Variants in HOTAIR observed in about 807,000 individuals in gnomAD.
HOTAIR encodes the protein HOX transcript antisense RNA (non-protein coding).
chr12:53,974,133 G>T (rs1055607770), intron 1 of HOTAIR, among the ~76,000 whole-genome samples: 1 of 152,180 alleles, frequency 6.6e-6, no homozygotes, highest in Non-Finnish European at 1.5e-5. Context: ...ATGGAGAAGG[G>T]GTGGGGAGGG....
exon 7 of HOTAIR, chr12:53,963,842 C>T (rs1939001189): frequency 6.6e-6 from 1 of 152,238 alleles, no homozygotes; most frequent in Non-Finnish European, 1.5e-5. Context: ...GAGCTAGGAC[C>T]CGGATTATTC....
At chr12:53,965,824 A>C (rs1939041690) in intron 5 of HOTAIR, 3 of 152,274 alleles carry the variant, frequency 2.0e-5, no homozygotes, top group Admixed American at 2.0e-4. Flanking sequence ...GAAAGACGAG[A>C]GAGAAGGATC....
chr12:53,963,983 C>CGGCA (rs1939004302), exon 7 of HOTAIR: 1 of 152,236 alleles, frequency 6.6e-6, no homozygotes, highest in Non-Finnish European at 1.5e-5. Context: ...GTTCCGGGAA[C>CGGCA]TGCCGCCTTG....
rs370804226 is a variant in HOTAIR, at chr12:53,973,782, C to T, written n.59+1116G>A. The T allele has an allele frequency of 7.5e-6, 12 of 1,603,744 alleles. No individual in the cohort carries two copies. Among genetic ancestry groups the T allele is most frequent in the Non-Finnish European group, 1.0e-5 (12 of 1,175,728 alleles). ...CGGCAAGGGCGAGGCCAAGGGGGAG[C>T]CCGAGGCACCCCCGGCCTCGGGACT... is the stretch of plus-strand genomic sequence containing the variant. On this transcript the variant is annotated intron_variant and non_coding_transcript_variant, in intron 1 of 6. Coordinates refer to ENST00000424518, the Ensembl canonical transcript of HOTAIR. The surrounding 1 kb of genome is among the most constrained non-coding windows in gnomAD (Gnocchi z 4.3).
At chr12:53,967,565 C>T (rs894169743) in intron 2 of HOTAIR, among the ~76,000 whole-genome samples, 12 of 152,190 alleles carry the variant, frequency 7.9e-5, no homozygotes, top group Non-Finnish European at 1.3e-4. Flanking sequence ...TGCCTGGGCT[C>T]AACGGGCTGG....
intron 1 of HOTAIR, among the ~76,000 whole-genome samples, chr12:53,971,630 T>C (rs1010284106): frequency 1.3e-5 from 2 of 152,256 alleles, no homozygotes; most frequent in African/African-American, 2.4e-5. Context: ...TGAGTGTGCA[T>C]TGGGCTGAGC....
Position 53,973,180 on chromosome 12 carries a change from T to C in HOTAIR, n.59+1718A>G. 1.5e-6 allele frequency: 2 copies of C among 1,374,330 alleles called. No homozygotes were observed. Among genetic ancestry groups the C allele is most frequent in the Non-Finnish European group, 2.0e-6 (2 of 1,017,554 alleles). The allele number at this position is 1,374,330 out of a possible 1,614,324, so 85.1% of individuals were successfully genotyped here. A position where few individuals can be genotyped will look rare whatever the true frequency, so the allele number is the denominator to read the frequency against. ...TAACGCGTCATCTCGCCTTCCCAAA[T>C]TTTCCCCCCTCGCTAGACCGGGTCC... On this transcript the variant is annotated intron_variant and non_coding_transcript_variant, in intron 1 of 6. Transcript: ENST00000424518. The surrounding 1 kb of genome is among the most constrained non-coding windows in gnomAD (Gnocchi z 4.3).
intron 5 of HOTAIR, among the ~76,000 whole-genome samples, chr12:53,964,454 A>G (rs1342905563): frequency 1.3e-5 from 2 of 152,188 alleles, no homozygotes; most frequent in African/African-American, 4.8e-5. Context: ...GAAGGGGAAC[A>G]AAGATCTTTG....
At chr12:53,963,883 T>A (rs1939001754) in exon 7 of HOTAIR, 1 of 152,222 alleles carries the variant, frequency 6.6e-6, no homozygotes, top group African/African-American at 2.4e-5. Flanking sequence ...AGATTTTCCC[T>A]TTTCCTCATG....
At chr12:53,969,377 CCTT>C (rs1258435863) in intron 1 of HOTAIR, among the ~76,000 whole-genome samples, 3 of 152,172 alleles carry the variant, frequency 2.0e-5, no homozygotes, top group Admixed American at 2.0e-4. Context: ...AAGGAGCTGT[CCTT>C]CTCCCTCCCC....
In HOTAIR at chr12:53,973,521, G is replaced by A; in HGVS notation, n.59+1377C>T. Reference sequence around the variant, plus strand: ...TCGGAACAGCTACTCCTCCTGCTATGCGGCGGCCGACGAGCTTATGCACCG... The same window carrying A: ...TCGGAACAGCTACTCCTCCTGCTATACGGCGGCCGACGAGCTTATGCACCG... On this transcript the variant is annotated intron_variant and non_coding_transcript_variant, in intron 1 of 6. Transcript: ENST00000424518. This position sits in a 1 kb window ranked among gnomAD's most constrained non-coding sequence, Gnocchi z 4.3. The A allele has an allele frequency of 6.2e-7, 1 of 1,613,738 alleles. No individual in the cohort carries two copies. Among genetic ancestry groups the A allele is most frequent in the Non-Finnish European group, 8.5e-7 (1 of 1,180,016 alleles).
exon 6 of HOTAIR, chr12:53,964,270 C>G (rs1287580672): frequency 6.6e-6 from 1 of 152,056 alleles, no homozygotes; most frequent in Non-Finnish European, 1.5e-5. Flanking sequence ...GCACTTCTCT[C>G]GCCAATGTGC....
At chr12:53,963,320 C>A (rs918678641) in exon 7 of HOTAIR, 1 of 152,216 alleles carries the variant, frequency 6.6e-6, no homozygotes, top group African/African-American at 2.4e-5. Context: ...ATAACCCAAG[C>A]TTTTTTCCAA....
At chr12:53,967,504 G>T (rs1426961413) in intron 2 of HOTAIR, 3 of 152,242 alleles carry the variant, frequency 2.0e-5, no homozygotes, top group Non-Finnish European at 4.4e-5. Flanking sequence ...GGTGATAAGT[G>T]TCTCTGCCAT....
chr12:53,969,908 G>A (rs1171088897), intron 1 of HOTAIR, among the ~76,000 whole-genome samples: 2 of 152,236 alleles, frequency 1.3e-5, no homozygotes, highest in African/African-American at 4.8e-5. Flanking sequence ...AGTGGAGGAG[G>A]TAGACAAGCT....
At chr12:53,966,694 AG>A (rs1939060886) in intron 3 of HOTAIR, 1 of 152,298 alleles carries the variant, frequency 6.6e-6, no homozygotes, top group South Asian at 2.1e-4. Flanking sequence ...GCGATCCCCG[AG>A]CGCTGAGCTG....
intron 5 of HOTAIR, among the ~76,000 whole-genome samples, chr12:53,965,291 G>GC (rs879303440): frequency 3.9e-4 from 60 of 152,242 alleles, no homozygotes; most frequent in African/African-American, 1.0e-3. Flanking sequence ...CTTTCCCCAT[G>GC]CCCCCCCAGC....
rs531346386 is a variant in HOTAIR at position 53,974,030 on chromosome 12, G to A, written n.59+868C>T. On this transcript the variant is annotated intron_variant and non_coding_transcript_variant, in intron 1 of 6. Transcript: ENST00000424518. ...GGAGCGGGGACGGCCTCGTGTTTTG[G>A]GTCAGTCCGATTTTATGTGGAGTTT... The A allele has an allele frequency of 7.1e-5, 64 of 904,908 alleles. 1 individual carries two copies. The African/African-American group carries it at 8.9e-4, about 13-fold the overall frequency. 56.1% of individuals were successfully genotyped at this position (904,908 alleles called of 1,614,324 possible). A position where few individuals can be genotyped will look rare whatever the true frequency, so the allele number is the denominator to read the frequency against.
intron 1 of HOTAIR, among the ~76,000 whole-genome samples, chr12:53,971,046 T>C (rs1200553663): frequency 6.6e-6 from 1 of 152,152 alleles, no homozygotes; most frequent in Non-Finnish European, 1.5e-5. Context: ...TTCAATAAAC[T>C]CGAGTTTAAT....
Sources: allele counts gnomAD v4.1 joint callset (sites outside exome capture counted in the v4.1 genomes callset), GRCh38; gene constraint gnomAD v4.1.1; non-coding constraint Gnocchi (gnomAD v3.1); transcripts MANE v1.5; gene names NCBI Gene and HGNC (gene_info 2026-07-23, HGNC 2026-07-21).